ACTR3C: variants seen among roughly 807,000 people sequenced by gnomAD.
ACTR3C encodes actin-related protein 3C.
In ACTR3C, 18 loss-of-function variants were observed where a neutral mutation model predicts 26.3. The observed-to-expected ratio is 0.68, with a 90% CI of 0.47 to 1.01. ACTR3C has a LOEUF of 1.01. ACTR3C is among the 50% of genes least tolerant of loss of function. The pLI is 0.00. For synonymous variants in ACTR3C, 55 were observed against 94.5 expected (o/e 0.58, Z 2.42); for missense variants, 184 against 250.7 (o/e 0.73, Z 1.80).
the ACTR3C span, among the ~76,000 whole-genome samples, chr7:150,055,640 A>C: frequency 6.6e-6 from 1 of 152,196 alleles, no homozygotes; most frequent in Admixed American, 6.5e-5. Flanking sequence ...AGAAATCAAA[A>C]GGGAATTGTC....
At chr7:150,166,736 T>C in the ACTR3C span, among the ~76,000 whole-genome samples, 1 of 150,262 alleles carries the variant, frequency 6.7e-6, no homozygotes, top group Admixed American at 6.6e-5. Context: ...CACTGTGCTG[T>C]TGAACATTAG....
chr7:150,224,333 AT>A, the ACTR3C span, among the ~76,000 whole-genome samples: 1 of 152,226 alleles, frequency 6.6e-6, no homozygotes, highest in Non-Finnish European at 1.5e-5. Context: ...TTCTTTCAAG[AT>A]TGCCAAAAGT....
chr7:150,164,614 C>T, the ACTR3C span, among the ~76,000 whole-genome samples: 1 of 151,890 alleles, frequency 6.6e-6, no homozygotes, highest in Non-Finnish European at 1.5e-5. Context: ...AATTCGAGTG[C>T]ATTTTACAAC....
chr7:150,286,997 G>A (rs1835830316), intron 4 of ACTR3C, among the ~76,000 whole-genome samples: 1 of 152,158 alleles, frequency 6.6e-6, no homozygotes, highest in Non-Finnish European at 1.5e-5. Context: ...GCTTCTTTGG[G>A]TCCCATTTGG....
At chr7:150,072,814 C>T in the ACTR3C span, among the ~76,000 whole-genome samples, 3 of 151,888 alleles carry the variant, frequency 2.0e-5, no homozygotes, top group Non-Finnish European at 4.4e-5. Flanking sequence ...TCCTGAGCTC[C>T]TAAGAGGAGG....
chr7:150,028,660 G>A, the ACTR3C span, among the ~76,000 whole-genome samples: 4 of 152,242 alleles, frequency 2.6e-5, no homozygotes, highest in African/African-American at 7.2e-5. Context: ...TGTCTGGGAA[G>A]AGGAGGGCCT....
At chr7:149,958,003 GT>G in the ACTR3C span, among the ~76,000 whole-genome samples, 1 of 152,218 alleles carries the variant, frequency 6.6e-6, no homozygotes, top group African/African-American at 2.4e-5. Context: ...TCAGGCCTGA[GT>G]TGATAAGGCA....
chr7:150,067,410 G>C, the ACTR3C span, among the ~76,000 whole-genome samples: 1 of 152,318 alleles, frequency 6.6e-6, no homozygotes, highest in African/African-American at 2.4e-5. Context: ...GTGCATTCTG[G>C]GGACAAAGCA....
the ACTR3C span, among the ~76,000 whole-genome samples, chr7:149,911,679 A>C: frequency 2.0e-5 from 3 of 151,954 alleles, no homozygotes; most frequent in Non-Finnish European, 1.5e-5. Context: ...GAAAAAAAAA[A>C]AACACTGAAA....
the ACTR3C span, among the ~76,000 whole-genome samples, chr7:150,198,466 CT>C: frequency 1.5e-5 from 2 of 135,562 alleles, no homozygotes; most frequent in Non-Finnish European, 3.1e-5. Context: ...CGCCCATCGT[CT>C]GAGATGTGGG....
the ACTR3C span, among the ~76,000 whole-genome samples, chr7:150,066,083 A>G: frequency 6.6e-6 from 1 of 152,230 alleles, no homozygotes; most frequent in Non-Finnish European, 1.5e-5. Context: ...GTCGAGCTCC[A>G]AAACAAATGT....
chr7:150,254,133 C>T (rs1833041458), intron 6 of ACTR3C, among the ~76,000 whole-genome samples: 1 of 152,144 alleles, frequency 6.6e-6, no homozygotes, highest in Non-Finnish European at 1.5e-5. Context: ...CTTGAGTATA[C>T]ATGTTGGGTG....
chr7:150,066,466 A>G, the ACTR3C span, among the ~76,000 whole-genome samples: 2 of 152,240 alleles, frequency 1.3e-5, no homozygotes, highest in African/African-American at 4.8e-5. Flanking sequence ...CTTTCTTGCT[A>G]TGAAGGATTT....
the ACTR3C span, among the ~76,000 whole-genome samples, chr7:149,972,412 C>G: frequency 6.6e-6 from 1 of 152,220 alleles, no homozygotes; most frequent in African/African-American, 2.4e-5. Flanking sequence ...ACACTAACTC[C>G]CTGTCCACGT....
the ACTR3C span, chr7:150,047,826 C>G: frequency 2.0e-6 from 3 of 1,524,710 alleles, no homozygotes; most frequent in Non-Finnish European, 2.6e-6. Flanking sequence ...GTTGATCTTG[C>G]CGGTGAACCT....
intron 4 of ACTR3C, among the ~76,000 whole-genome samples, chr7:150,288,757 A>G (rs2689600): frequency 0.036 from 4,355 of 120,988 alleles, 99 homozygotes; most frequent in South Asian, 0.083. Context: ...CCATTTCAGC[A>G]CTGAGAGCCC....
chr7:150,004,248 T>A, the ACTR3C span, among the ~76,000 whole-genome samples: 3 of 151,342 alleles, frequency 2.0e-5, no homozygotes, highest in Non-Finnish European at 4.4e-5. Context: ...GTGTATTATG[T>A]GATATGTGTG....
At chr7:150,103,638 GGAGA>G in the ACTR3C span, among the ~76,000 whole-genome samples, 3 of 149,970 alleles carry the variant, frequency 2.0e-5, no homozygotes, top group Non-Finnish European at 4.5e-5. Flanking sequence ...GTCATTGAAT[GGAGA>G]GAGAGAGAGA....
chr7:149,917,592 G>A, the ACTR3C span, among the ~76,000 whole-genome samples: 1 of 139,306 alleles, frequency 7.2e-6, no homozygotes, highest in Non-Finnish European at 1.6e-5. Flanking sequence ...ATTAATTTAT[G>A]TTTGAAAGTA....
Sources: allele counts gnomAD v4.1 joint callset (sites outside exome capture counted in the v4.1 genomes callset), GRCh38; gene constraint gnomAD v4.1.1; transcripts MANE v1.5; gene names NCBI Gene and HGNC (gene_info 2026-07-23, HGNC 2026-07-21).